Variants in PTK7 observed in about 807,000 individuals in gnomAD.
PTK7 encodes inactive tyrosine-protein kinase 7.
PTK7 carries 39 observed loss-of-function variants against 116.6 expected under a neutral mutation model. That is an observed-to-expected ratio of 0.33 (90% CI 0.26 to 0.44). PTK7 has a LOEUF of 0.44. PTK7 is among the 20% of genes least tolerant of loss of function. The pLI is 1.00. For missense variants in PTK7, 1,169 were observed against 1,425.6 expected (o/e 0.82, Z 2.90); for synonymous variants, 546 against 563.6 (o/e 0.97, Z 0.44).
At chr6:43,103,326 A>G (rs1301751048) in intron 1 of PTK7, among the ~76,000 whole-genome samples, 1 of 152,224 alleles carries the variant, frequency 6.6e-6, no homozygotes, top group African/African-American at 2.4e-5. Context: ...AGATCAGAGT[A>G]TCACTTTTAT....
chr6:43,120,905 C>T (rs955181478), intron 1 of PTK7, among the ~76,000 whole-genome samples: 1 of 152,102 alleles, frequency 6.6e-6, no homozygotes, highest in Non-Finnish European at 1.5e-5. Context: ...ATTGCTACTT[C>T]CTAAGAGACT....
intron 1 of PTK7, among the ~76,000 whole-genome samples, chr6:43,122,838 CT>C (rs1167481471): frequency 1.3e-5 from 2 of 152,134 alleles, no homozygotes; most frequent in Non-Finnish European, 1.5e-5. Context: ...AACTCCTGAC[CT>C]TGAGTGGTCT....
At position 43,144,524 on chromosome 6, in the gene PTK7, C is replaced by A; in HGVS notation, c.2325C>A (p.Gly775=). The change falls in exon 15 of 20, where the codon GGC becomes GGA. Residue 775 remains glycine (G), a synonymous_variant. Transcript: ENST00000230419. Reference sequence around the variant, plus strand: ...TGGCCTTGACCAGCTTGGGCTCCGGCCCCGCGGCCACCAACAAACGCCACA... The same window carrying A: ...TGGCCTTGACCAGCTTGGGCTCCGGACCCGCGGCCACCAACAAACGCCACA... ...EEVALTSLGS[G]PAATNKRHST... 1 of 1,614,188 alleles carries A rather than the reference C, an allele frequency of 6.2e-7. No homozygotes were observed. The highest frequency in any genetic ancestry group is 8.5e-7 in the Non-Finnish European group (1 of 1,180,024).
At chr6:43,132,750 G>A in intron 7 of PTK7, 63 bp downstream of exon 7, 1 of 1,548,136 alleles carries the variant, frequency 6.5e-7, no homozygotes. Flanking sequence ...GGGTGTGATG[G>A]ACAGAGGCTT....
At chr6:43,095,197 T>TAAAAA (rs34914497) in intron 1 of PTK7, among the ~76,000 whole-genome samples, 2 of 89,020 alleles carry the variant, frequency 2.2e-5, no homozygotes, top group Non-Finnish European at 4.3e-5. Context: ...CAGTCTCTAC[T>TAAAAA]AAAAAAAAAA....
chr6:43,127,441 A>G (rs541361516), intron 1 of PTK7, among the ~76,000 whole-genome samples: 8 of 152,194 alleles, frequency 5.3e-5, no homozygotes, highest in Non-Finnish European at 1.0e-4. Context: ...TCTGCCATAC[A>G]GTGTAGGCTT....
At position 43,159,934 on chromosome 6, in the gene PTK7, A is replaced by G. The variant is rs997009560; in HGVS notation, c.3020A>G (p.His1007Arg). ...WEVFTHGEMP[H>R]GGQADDEVLA... ...GTGTTTACACATGGAGAGATGCCCC[A>G]TGGTGGGCAGGCAGATGATGAAGTA... The change falls in exon 19 of 20, where the codon CAT (histidine) becomes CGT (arginine). Residue 1007 changes from histidine to arginine, a missense_variant. By Grantham distance (29) the His-to-Arg change is conservative. Coordinates refer to ENST00000230419, the MANE Select transcript of PTK7 (RefSeq NM_002821.5). 4 of 1,613,994 alleles carry G rather than the reference A, an allele frequency of 2.5e-6. No individual in the cohort carries two copies. The highest frequency in any genetic ancestry group is 1.3e-5 in the African/African-American group (1 of 74,930).
intron 7 of PTK7, among the ~76,000 whole-genome samples, chr6:43,138,055 C>G (rs1014020475): frequency 2.1e-4 from 32 of 152,178 alleles, no homozygotes; most frequent in African/African-American, 7.5e-4. Context: ...ATGATCTGCC[C>G]GCCTTTGCCT....
chr6:43,150,921 C>A (rs1771036618), intron 17 of PTK7, among the ~76,000 whole-genome samples: 1 of 146,692 alleles, frequency 6.8e-6, no homozygotes, highest in South Asian at 2.2e-4. Flanking sequence ...GATCGCTCTT[C>A]AAGCGATTCT....
intron 1 of PTK7, among the ~76,000 whole-genome samples, chr6:43,107,026 G>A (rs545655424): frequency 1.6e-4 from 25 of 151,882 alleles, no homozygotes; most frequent in African/African-American, 5.8e-4. Flanking sequence ...AGGTTAAAGC[G>A]ATTCTCCTGC....
At chr6:43,138,258 G>A (rs895698310) in intron 7 of PTK7, among the ~76,000 whole-genome samples, 1 of 151,954 alleles carries the variant, frequency 6.6e-6, no homozygotes, top group Non-Finnish European at 1.5e-5. Flanking sequence ...CAGCCCTCCC[G>A]CCTCGGCCTC....
chr6:43,154,497 G>A (rs1157170203), intron 17 of PTK7, among the ~76,000 whole-genome samples: 1 of 152,134 alleles, frequency 6.6e-6, no homozygotes, highest in East Asian at 1.9e-4. Context: ...TTTTTAAAAT[G>A]AAAACATTTC....
At chr6:43,098,638 G>A (rs889848312) in intron 1 of PTK7, among the ~76,000 whole-genome samples, 2 of 152,176 alleles carry the variant, frequency 1.3e-5, no homozygotes, top group African/African-American at 2.4e-5. Flanking sequence ...TTACAGGAGT[G>A]AGCCACCGCG....
At chr6:43,083,653 C>T (rs375136284) in intron 1 of PTK7, among the ~76,000 whole-genome samples, 6 of 152,318 alleles carry the variant, frequency 3.9e-5, no homozygotes, top group African/African-American at 1.2e-4. Flanking sequence ...CACACACAGG[C>T]GCCTTTCCCC....
chr6:43,138,251 C>T (rs1264061191), intron 7 of PTK7, among the ~76,000 whole-genome samples: 2 of 151,400 alleles, frequency 1.3e-5, no homozygotes, highest in East Asian at 2.0e-4. Flanking sequence ...CTTACAGCAG[C>T]CCTCCCGCCT....
At chr6:43,105,626 C>T (rs1937530062) in intron 1 of PTK7, among the ~76,000 whole-genome samples, 2 of 152,056 alleles carry the variant, frequency 1.3e-5, no homozygotes, top group African/African-American at 2.4e-5. Flanking sequence ...AGGTGAATGA[C>T]GAATCCTGTA....
Position 43,143,258 on chromosome 6 carries a change from C to T in PTK7, c.2048-159C>T, listed in dbSNP as rs1770524548. On this transcript the variant is annotated intron_variant, in intron 13 of 19. Coordinates refer to ENST00000230419, the MANE Select transcript of PTK7 (RefSeq NM_002821.5). This position sits in a 1 kb window ranked among gnomAD's most constrained non-coding sequence, Gnocchi z 4.2. ...GAGTCTTCGTTTGACCTTGGTGGGG[C>T]ATGAGGACCTGCTGGCCCTTGTTAA... is the stretch of plus-strand genomic sequence containing the variant. 2 of 653,664 alleles carry T rather than the reference C, an allele frequency of 3.1e-6. No homozygotes were observed. The highest frequency in any genetic ancestry group is 2.7e-5 in the East Asian group (1 of 36,520). The allele number at this position is 653,664 out of a possible 1,614,324, so 40.5% of individuals were successfully genotyped here.
At chr6:43,123,016 C>T (rs60760361) in intron 1 of PTK7, among the ~76,000 whole-genome samples, 7,737 of 152,222 alleles carry the variant, frequency 0.051, 263 homozygotes, top group African/African-American at 0.087. Context: ...AGTCATGCTC[C>T]ACCATGCAAA....
At chr6:43,160,417 C>T (rs1005811844) in intron 19 of PTK7, among the ~76,000 whole-genome samples, 5 of 152,092 alleles carry the variant, frequency 3.3e-5, no homozygotes, top group African/African-American at 1.2e-4. Context: ...CACACCTGGC[C>T]GAAAATACTG....
Sources: gnomAD v4.1 joint callset for allele counts (sites outside exome capture counted in the v4.1 genomes callset) on GRCh38, gnomAD v4.1.1 for gene constraint, Gnocchi (gnomAD v3.1) non-coding constraint, MANE v1.5 for transcripts, NCBI Gene and HGNC (gene_info 2026-07-23, HGNC 2026-07-21) for gene names.